Variants in LARP6 observed in about 807,000 individuals in gnomAD.
LARP6 encodes the protein la-related protein 6.
In LARP6, 18 loss-of-function variants were observed where a neutral mutation model predicts 32.8. The ratio of observed to expected loss-of-function variants is 0.55; its 90% CI spans 0.38 to 0.81. LARP6 has a LOEUF of 0.81. Among genes scored for constraint, LARP6 ranks in the 40% least tolerant of loss-of-function variants. LARP6 has a pLI of 0.00. For missense variants in LARP6, 598 were observed against 663.1 expected, an observed-to-expected ratio of 0.90 and a Z score of 1.08; for synonymous variants, 289 against 267.2, an observed-to-expected ratio of 1.08 and a Z score of -0.80.
At chr15:70,834,972 A>T (rs956572570) in intron 2 of LARP6, among the ~76,000 whole-genome samples, 1 of 152,240 alleles carries the variant, frequency 6.6e-6, no homozygotes, top group Admixed American at 6.5e-5. Context: ...AGAGAAGAAC[A>T]TTCCTAAATA....
In LARP6 at chr15:70,836,440, T is replaced by A. The variant is rs1329660749; in HGVS notation, c.266A>T (p.Asp89Val). Residue 89 changes from aspartate to valine, a missense_variant, in exon 2 of 3, where the codon GAT becomes GTT. Physicochemically the swap from Asp to Val is radical, Grantham distance 152 (BLOSUM62 -3). Coordinates refer to ENST00000299213, the MANE Select transcript of LARP6 (RefSeq NM_018357.4). Reference sequence around the variant, plus strand: ...CACCAGTTTCTTGATCAACTCCTCATCCGGGGGCTTCCACTCCTGCTCCAG... The same window carrying A: ...CACCAGTTTCTTGATCAACTCCTCAACCGGGGGCTTCCACTCCTGCTCCAG... ...EDLEQEWKPPDEELIKKLVDQ... is the reference protein window; with the variant it reads ...EDLEQEWKPPVEELIKKLVDQ... The A allele has an allele frequency of 6.2e-7, 1 of 1,614,176 alleles. No individual in the cohort carries two copies. The highest frequency in any genetic ancestry group is 1.1e-5 in the South Asian group (1 of 91,078).
intron 1 of LARP6, chr15:70,851,434 G>T (rs1193424088): frequency 1.9e-5 from 24 of 1,250,892 alleles, no homozygotes; most frequent in Non-Finnish European, 2.2e-5. Context: ...ACATTTTAGA[G>T]GCTGTAAAGA....
Position 70,850,978 on chromosome 15 carries a change from G to A in LARP6, c.200+2911C>T, listed in dbSNP as rs141397106. 2.7e-3 allele frequency among the ~76,000 whole-genome samples: 414 copies of A among 152,284 alleles called. 4 individuals are homozygous for A. Among genetic ancestry groups the A allele is most frequent in the African/African-American group, 9.7e-3 (403 of 41,566 alleles). ...GAGTCTAGAGACATAAGAAGCAAATGCCTCAACCCAGACCATATTCTGGTT... is the reference window on the plus strand; with the variant it reads ...GAGTCTAGAGACATAAGAAGCAAATACCTCAACCCAGACCATATTCTGGTT... On this transcript the variant is annotated intron_variant, in intron 1 of 2. Transcript: ENST00000299213.
At chr15:70,840,911 TC>T (rs1424776939) in intron 1 of LARP6, among the ~76,000 whole-genome samples, 2 of 113,150 alleles carry the variant, frequency 1.8e-5, no homozygotes, top group African/African-American at 5.5e-5. Context: ...CTCTTTTCTC[TC>T]TTTTTTTTTT....
Position 70,831,073 on chromosome 15 carries a change from G to T in LARP6, c.*979C>A, listed in dbSNP as rs894167528. On this transcript the variant is annotated 3_prime_UTR_variant, in exon 3 of 3. Transcript: ENST00000299213. ...TCTCCAGCGTGCATCAGAATCACCT[G>T]CAGCGTTTGTTAAAACCCAAATTCC... 2 of 152,238 alleles carry T rather than the reference G, an allele frequency of 1.3e-5. No individual in the cohort carries two copies. Among genetic ancestry groups the T allele is most frequent in the Non-Finnish European group, 2.9e-5 (2 of 68,050 alleles). 9.4% of individuals were successfully genotyped at this position (152,238 alleles called of 1,614,324 possible).
At chr15:70,839,178 A>G (rs1417843563) in intron 1 of LARP6, among the ~76,000 whole-genome samples, 1 of 152,110 alleles carries the variant, frequency 6.6e-6, no homozygotes, top group Non-Finnish European at 1.5e-5. Context: ...GGTGGCTCAC[A>G]CCTATAACCC....
chr15:70,833,253 G>T, intron 2 of LARP6, 137 bp from the exon 3 acceptor site: 1 of 686,714 alleles, frequency 1.5e-6, no homozygotes, highest in South Asian at 1.9e-5. Context: ...ATCATACGTG[G>T]TATGTGTAAA....
chr15:70,842,301 G>C (rs1233969976), intron 1 of LARP6, among the ~76,000 whole-genome samples: 1 of 152,020 alleles, frequency 6.6e-6, no homozygotes, highest in Non-Finnish European at 1.5e-5. Context: ...ACCCACGTCA[G>C]CCTCCCAAAC....
chr15:70,832,426 T>C lies in LARP6; in HGVS notation c.1102A>G (p.Asn368Asp), dbSNP rs769857956. The change falls in exon 3 of 3, where the codon AAT becomes GAT. Residue 368 changes from asparagine (N) to aspartate (D), a missense_variant. Around this residue, in one of 3 missense-constraint regions of LARP6, gnomAD observed 368 missense variants for 397.9 expected, o/e 0.92. Coordinates refer to ENST00000299213, the MANE Select transcript of LARP6 (RefSeq NM_018357.4). ...TNKLSPSGHQ[N>D]LFLSPNASPC... ...GAGGCATTTGGACTCAGAAAGAGAT[T>C]CTGGTGGCCAGACGGGCTGAGCTTG... 1 of 1,585,870 alleles carries C rather than the reference T, an allele frequency of 6.3e-7. No individual in the cohort carries two copies. Among genetic ancestry groups the C allele is most frequent in the Admixed American group, 1.8e-5 (1 of 55,900 alleles).
Position 70,836,382 on chromosome 15 carries a change from G to T in LARP6, c.324C>A (p.Asn108Lys), listed in dbSNP as rs1419226303. 1.2e-6 allele frequency: 2 copies of T among 1,613,956 alleles called. No homozygotes were observed. Among genetic ancestry groups the T allele is most frequent in the Non-Finnish European group, 1.7e-6 (2 of 1,180,018 alleles). The change falls in exon 2 of 3, where the codon AAC becomes AAA. Residue 108 changes from asparagine to lysine, a missense_variant. This residue lies in a region of LARP6 where 69 missense variants were observed against 116.7 expected (regional missense o/e 0.59). Coordinates refer to ENST00000299213, the MANE Select transcript of LARP6 (RefSeq NM_018357.4). ...TTAGCAAAAAGGCGTCCTTCTCCAG[G>T]TTTTCATCAGAAAAGTAGAATTCGA... Reference protein sequence around the residue: ...DQIEFYFSDENLEKDAFLLKH... With the variant: ...DQIEFYFSDEKLEKDAFLLKH...
chr15:70,853,904 G>C lies in LARP6; in HGVS notation c.185C>G (p.Pro62Arg), dbSNP rs1358078963. ...PGWGSASEEEPSRGHSGTTAS... is the reference protein window; with the variant it reads ...PGWGSASEEERSRGHSGTTAS... ...CCGCGCCTACCTGTGCCCGCGGCTCGGCTCCTCCTCGCTCGCGCTGCCCCA... is the reference window on the plus strand; with the variant it reads ...CCGCGCCTACCTGTGCCCGCGGCTCCGCTCCTCCTCGCTCGCGCTGCCCCA... The change falls in exon 1 of 3, where the codon CCG becomes CGG. Residue 62 changes from proline (P) to arginine (R), a missense_variant. Pro to Arg is a moderately radical substitution (Grantham distance 103, BLOSUM62 -2). Coordinates refer to ENST00000299213, the MANE Select transcript of LARP6 (RefSeq NM_018357.4). The C allele has an allele frequency of 6.7e-6, 9 of 1,342,256 alleles. No individual in the cohort carries two copies. Among genetic ancestry groups the C allele is most frequent in the South Asian group, 3.7e-5 (2 of 53,920 alleles). 83.1% of individuals were successfully genotyped at this position (1,342,256 alleles called of 1,614,324 possible).
intron 2 of LARP6, among the ~76,000 whole-genome samples, chr15:70,834,047 G>A (rs1352248212): frequency 6.6e-6 from 1 of 152,198 alleles, no homozygotes; most frequent in Non-Finnish European, 1.5e-5. Context: ...AGGTGGGTGG[G>A]GTGGGTAACC....
chr15:70,841,057 G>A (rs1405791714), intron 1 of LARP6, among the ~76,000 whole-genome samples: 1 of 152,026 alleles, frequency 6.6e-6, no homozygotes, highest in African/African-American at 2.4e-5. Flanking sequence ...GGGATTACAG[G>A]CGCCCGCCAC....
intron 1 of LARP6, among the ~76,000 whole-genome samples, chr15:70,838,159 G>A (rs1029012310): frequency 6.6e-6 from 1 of 152,086 alleles, no homozygotes; most frequent in Non-Finnish European, 1.5e-5. Context: ...TGATTTTAGA[G>A]CATTTCAGAT....
intron 1 of LARP6, among the ~76,000 whole-genome samples, chr15:70,839,297 G>A (rs942017448): frequency 1.3e-5 from 2 of 151,978 alleles, no homozygotes; most frequent in African/African-American, 4.8e-5. Context: ...AAAATTAGCC[G>A]GGTGTGGTGG....
intron 1 of LARP6, among the ~76,000 whole-genome samples, chr15:70,839,872 A>C (rs1005875867): frequency 3.9e-5 from 6 of 152,204 alleles, no homozygotes; most frequent in African/African-American, 1.4e-4. Flanking sequence ...GTGATGGTTG[A>C]ATCTGCAGCA....
chr15:70,849,910 T>C (rs1012491350), intron 1 of LARP6: 2 of 152,100 alleles, frequency 1.3e-5, no homozygotes, highest in African/African-American at 4.8e-5. Context: ...TCAATCCAGA[T>C]GATGAGACAA....
chr15:70,845,122 T>A (rs2141055988), intron 1 of LARP6, among the ~76,000 whole-genome samples: 1 of 152,340 alleles, frequency 6.6e-6, no homozygotes, highest in South Asian at 2.1e-4. Context: ...ATTAGTATGG[T>A]ACATGTGTTA....
At chr15:70,845,493 A>G (rs1398598493) in intron 1 of LARP6, among the ~76,000 whole-genome samples, 2 of 152,164 alleles carry the variant, frequency 1.3e-5, no homozygotes, top group Non-Finnish European at 2.9e-5. Context: ...AGCACATCCT[A>G]TCAGGGTAGA....
Sources: gnomAD v4.1 joint callset for allele counts (sites outside exome capture counted in the v4.1 genomes callset) on GRCh38, gnomAD v4.1.1 for gene constraint, gnomAD v4.1.1 regional missense constraint, MANE v1.5 for transcripts, NCBI Gene and HGNC (gene_info 2026-07-23, HGNC 2026-07-21) for gene names.